AKIRIN1: variants seen among roughly 807,000 people sequenced by gnomAD.
AKIRIN1 encodes the protein akirin 1.
AKIRIN1 carries 4 observed loss-of-function variants against 25.9 expected under a neutral mutation model. The observed-to-expected ratio is 0.15, with a 90% CI of 0.08 to 0.35. The LOEUF (loss-of-function observed/expected upper bound fraction) is 0.35, where lower values mean the gene tolerates loss of function less well. AKIRIN1 is among the 10% of genes least tolerant of loss of function. The probability of loss-of-function intolerance (pLI) is 1.00; values close to 1 mark genes in which losing one functional copy is unlikely to be tolerated. For missense variants in AKIRIN1, 243 were observed against 266.1 expected, an observed-to-expected ratio of 0.91 and a Z score of 0.61; for synonymous variants, 125 against 105.1, an observed-to-expected ratio of 1.19 and a Z score of -1.16.
Position 39,005,528 on chromosome 1 carries a change from G to C in AKIRIN1, c.*1473G>C, listed in dbSNP as rs189132319. The C allele has an allele frequency of 6.6e-5, 10 of 152,242 alleles. No homozygotes were observed. The highest frequency in any genetic ancestry group is 5.9e-4 in the Admixed American group (9 of 15,278). The allele number at this position is 152,242 out of a possible 1,614,324, so 9.4% of individuals were successfully genotyped here. ...ATACATTTATTTTTTACTGTGACTT[G>C]TTCAGGACCACATTTTACAAAATGC... On this transcript the variant is annotated 3_prime_UTR_variant, in exon 5 of 5. Transcript: ENST00000432648.
chr1:38,999,473 C>T (rs10888612), intron 2 of AKIRIN1, among the ~76,000 whole-genome samples: 94,148 of 151,990 alleles, frequency 0.62, 29,742 homozygotes, highest in Non-Finnish European at 0.7. Flanking sequence ...TTTTATGTTA[C>T]GTGACTTTTA....
intron 2 of AKIRIN1, among the ~76,000 whole-genome samples, chr1:38,999,845 TTTTTG>T (rs1390699159): frequency 1.3e-5 from 2 of 151,536 alleles, no homozygotes; most frequent in Non-Finnish European, 2.9e-5. Context: ...TGCCCATGTT[TTTTTG>T]TTTTGTTTTG....
intron 2 of AKIRIN1, among the ~76,000 whole-genome samples, chr1:38,998,559 G>T (rs1410539142): frequency 6.6e-6 from 1 of 152,088 alleles, no homozygotes; most frequent in East Asian, 1.9e-4. Flanking sequence ...TGTAGCCAGG[G>T]TGCAATAAAT....
intron 2 of AKIRIN1, among the ~76,000 whole-genome samples, chr1:38,999,492 AATT>A (rs1392215992): frequency 1.3e-5 from 2 of 152,208 alleles, no homozygotes; most frequent in Admixed American, 6.5e-5. Flanking sequence ...TACCTCAACA[AATT>A]ATTATTTTTT....
rs1007033661 is a variant in AKIRIN1 at position 38,991,292 on chromosome 1, G to A, written c.-89G>A. ...CTGCCGGGTGCTGGAGGCGCCATTG[G>A]AGCCGGCTTGGCTGGCGAGCCCGGC... On this transcript the variant is annotated 5_prime_UTR_variant, in exon 1 of 5. Coordinates refer to ENST00000432648, the MANE Select transcript of AKIRIN1 (RefSeq NM_024595.3). 7 of 1,187,818 alleles carry A rather than the reference G, an allele frequency of 5.9e-6. No individual in the cohort carries two copies. In the African/African-American group the frequency reaches 6.4e-5, roughly 11 times the overall value. 73.6% of individuals were successfully genotyped at this position (1,187,818 alleles called of 1,614,324 possible). A position where few individuals can be genotyped will look rare whatever the true frequency, so the allele number is the denominator to read the frequency against.
At chr1:38,993,545 C>T (rs570124674) in intron 1 of AKIRIN1, among the ~76,000 whole-genome samples, 301 of 150,446 alleles carry the variant, frequency 2.0e-3, no homozygotes, top group African/African-American at 6.9e-3. Flanking sequence ...GCAGGAGAAT[C>T]GTTTGAAGCC....
At chr1:39,001,357 A>G (rs1443390217) in intron 3 of AKIRIN1, among the ~76,000 whole-genome samples, 1 of 141,498 alleles carries the variant, frequency 7.1e-6, no homozygotes, top group Non-Finnish European at 1.5e-5. Flanking sequence ...TCCGCCTGCC[A>G]GGTTCTAACG....
chr1:38,993,792 C>T (rs1469114630), intron 1 of AKIRIN1, among the ~76,000 whole-genome samples: 4 of 151,394 alleles, frequency 2.6e-5, no homozygotes, highest in Non-Finnish European at 5.9e-5. Context: ...ATTCTAAGGC[C>T]GGGCGCAGTG....
In AKIRIN1 at chr1:39,005,461, G is replaced by A. The variant is rs1644027924; in HGVS notation, c.*1406G>A. 2 of 152,178 alleles carry A rather than the reference G, an allele frequency of 1.3e-5. No homozygotes were observed. Among genetic ancestry groups the A allele is most frequent in the Admixed American group, 1.3e-4 (2 of 15,270 alleles). 9.4% of individuals were successfully genotyped at this position (152,178 alleles called of 1,614,324 possible). ...TCTTCACCTTGTTTCCAAGGCTGAG[G>A]AACAGAAAGTAGCCTCTGTTTTGAG... is the stretch of plus-strand genomic sequence containing the variant. On this transcript the variant is annotated 3_prime_UTR_variant, in exon 5 of 5. Transcript: ENST00000432648.
chr1:39,003,760 T>C (rs775311272), intron 4 of AKIRIN1, among the ~76,000 whole-genome samples: 9 of 152,244 alleles, frequency 5.9e-5, no homozygotes, highest in Admixed American at 1.3e-4. Flanking sequence ...GTTTCAGTTG[T>C]TAATTTATGA....
chr1:39,005,609 G>C lies in AKIRIN1; in HGVS notation c.*1554G>C, dbSNP rs938817746. On this transcript the variant is annotated 3_prime_UTR_variant, in exon 5 of 5. Transcript: ENST00000432648. ...AGTTCTATTAATATTGTTTTACTTTGAATATAGAATAGTTTTTTTAATTAG... is the reference window on the plus strand; with the variant it reads ...AGTTCTATTAATATTGTTTTACTTTCAATATAGAATAGTTTTTTTAATTAG... 2.6e-5 allele frequency: 4 copies of C among 152,134 alleles called. No individual in the cohort carries two copies. The highest frequency in any genetic ancestry group is 5.9e-5 in the Non-Finnish European group (4 of 68,028). 9.4% of individuals were successfully genotyped at this position (152,134 alleles called of 1,614,324 possible).
rs1643961811 is a variant in AKIRIN1 at position 38,998,235 on chromosome 1, T to C, written c.285T>C (p.Val95=). 1 of 1,613,880 alleles carries C rather than the reference T, an allele frequency of 6.2e-7. No individual in the cohort carries two copies. The highest frequency in any genetic ancestry group is 1.1e-5 in the South Asian group (1 of 91,064). The change falls in exon 2 of 5, where the codon GTT becomes GTC. Residue 95 remains valine, a synonymous_variant. Transcript: ENST00000432648. ...SRYQRWRHLE[V]VLNQSEACAS... is the part of the protein sequence containing the mutation. Reference sequence around the variant, plus strand: ...ATCAGAGGTGGAGACATTTAGAAGTTGTTCTTAATCAGAGTGAAGCTTGTG... The same window carrying C: ...ATCAGAGGTGGAGACATTTAGAAGTCGTTCTTAATCAGAGTGAAGCTTGTG...
At chr1:38,994,555 GAGTGT>G (rs1452356076) in intron 1 of AKIRIN1, among the ~76,000 whole-genome samples, 1 of 152,094 alleles carries the variant, frequency 6.6e-6, no homozygotes, top group Non-Finnish European at 1.5e-5. Flanking sequence ...GCCCAGGCTG[GAGTGT>G]AGTGGCACGA....
At chr1:38,992,105 G>A (rs369139528) in intron 1 of AKIRIN1, among the ~76,000 whole-genome samples, 2 of 152,322 alleles carry the variant, frequency 1.3e-5, no homozygotes, top group East Asian at 3.9e-4. Flanking sequence ...AGAGGCCGCC[G>A]CAAGAGTCAC....
chr1:38,995,137 T>G (rs1288295821), intron 1 of AKIRIN1, among the ~76,000 whole-genome samples: 1 of 152,170 alleles, frequency 6.6e-6, no homozygotes, highest in East Asian at 1.9e-4. Context: ...AGCTGAGTCT[T>G]GATCAAGTTT....
intron 2 of AKIRIN1, among the ~76,000 whole-genome samples, chr1:38,999,859 TG>T (rs758255123): frequency 2.1e-4 from 28 of 134,034 alleles, no homozygotes; most frequent in Non-Finnish European, 3.8e-4. Flanking sequence ...TGTTTTGTTT[TG>T]TTTTTTTGTT....
In AKIRIN1 at chr1:39,004,506, A is replaced by G. The variant is rs1360908301; in HGVS notation, c.*451A>G. On this transcript the variant is annotated 3_prime_UTR_variant, in exon 5 of 5. Transcript: ENST00000432648. ...AATTTGGTGCACGACAATTATGGTA[A>G]AAAAACATTTGCTTGGTCTAAAGAA... The G allele has an allele frequency of 3.6e-6, 1 of 279,238 alleles. No homozygotes were observed. Among genetic ancestry groups the G allele is most frequent in the Admixed American group, 5.1e-5 (1 of 19,790 alleles). The allele number at this position is 279,238 out of a possible 1,614,324, so 17.3% of individuals were successfully genotyped here. A position where few individuals can be genotyped will look rare whatever the true frequency, so the allele number is the denominator to read the frequency against.
intron 1 of AKIRIN1, 106 bp downstream of exon 1, chr1:38,991,706 C>CTTA (rs1643907530): frequency 8.6e-7 from 1 of 1,156,360 alleles, no homozygotes; most frequent in Non-Finnish European, 1.1e-6. Context: ...CCAGGGACCC[C>CTTA]TTCTTTGCCT....
rs1338322999 is a variant in AKIRIN1 at position 39,004,739 on chromosome 1, C to T, written c.*684C>T. ...AAATTAGAACAAACTGGAGACGGGC[C>T]ATTGACACATGGACTCTGCCTGGGC... On this transcript the variant is annotated 3_prime_UTR_variant, in exon 5 of 5. Coordinates refer to ENST00000432648, the MANE Select transcript of AKIRIN1 (RefSeq NM_024595.3). The T allele has an allele frequency of 6.4e-6, 1 of 156,710 alleles. No homozygotes were observed. Among genetic ancestry groups the T allele is most frequent in the African/African-American group, 2.4e-5 (1 of 41,468 alleles). The allele number at this position is 156,710 out of a possible 1,614,324, so 9.7% of individuals were successfully genotyped here. A position where few individuals can be genotyped will look rare whatever the true frequency, so the allele number is the denominator to read the frequency against.
Sources: gnomAD v4.1 joint callset for allele counts (sites outside exome capture counted in the v4.1 genomes callset) on GRCh38, gnomAD v4.1.1 for gene constraint, MANE v1.5 for transcripts, NCBI Gene and HGNC (gene_info 2026-07-23, HGNC 2026-07-21) for gene names.